IL12B: variants seen among roughly 807,000 people sequenced by gnomAD.
IL12B encodes the protein interleukin 12B.
A neutral mutation model predicts 39.2 loss-of-function variants in IL12B; 27 were observed. The observed-to-expected ratio is 0.69, with a 90% confidence interval of 0.51 to 0.95. The LOEUF (loss-of-function observed/expected upper bound fraction) is 0.95. Among genes scored for constraint, IL12B ranks in the 40% least tolerant of loss-of-function variants. IL12B has a pLI of 0.00. For missense variants in IL12B, 351 were observed against 397.6 expected (o/e 0.88, Z 1.00); for synonymous variants, 142 against 152.1 (o/e 0.93, Z 0.49).
At chr5:159,325,081 C>A (rs1180206981) in intron 2 of IL12B, among the ~76,000 whole-genome samples, 1 of 152,020 alleles carries the variant, frequency 6.6e-6, no homozygotes, top group African/African-American at 2.4e-5. Context: ...GCAGGGAAAA[C>A]AGCTGCAGGA....
At chr5:159,316,879 C>T in intron 6 of IL12B, 63 bp from the exon 7 acceptor site, 1 of 1,594,516 alleles carries the variant, frequency 6.3e-7, no homozygotes, top group East Asian at 2.2e-5. Flanking sequence ...TAAGCTGAGC[C>T]TGTTTCTGCA....
chr5:159,320,360 C>T lies in IL12B; in HGVS notation c.643G>A (p.Val215Ile), dbSNP rs79446920. 69 of 1,614,128 alleles carry T rather than the reference C, an allele frequency of 4.3e-5. No homozygotes were observed. Among genetic ancestry groups the T allele is most frequent in the Non-Finnish European group, 5.2e-5 (61 of 1,180,006 alleles). Residue 215 changes from valine (V) to isoleucine (I), a missense_variant, in exon 5 of 8, where the codon GTT becomes ATT. By Grantham distance (29) the Val-to-Ile change is conservative. Coordinates refer to ENST00000231228, the MANE Select transcript of IL12B (RefSeq NM_002187.3). ...SLPIEVMVDA[V>I]HKLKYENYTS... ...TAGTTTTCATACTTGAGCTTGTGAA[C>T]GGCATCCACCATGACCTCAATGGGC...
intron 6 of IL12B, among the ~76,000 whole-genome samples, chr5:159,317,170 C>A (rs530273402): frequency 6.6e-6 from 1 of 152,194 alleles, no homozygotes; most frequent in African/African-American, 2.4e-5. Flanking sequence ...TTGAGAAATA[C>A]CATATCCTGA....
At chr5:159,323,964 T>C (rs1354490563) in intron 2 of IL12B, among the ~76,000 whole-genome samples, 1 of 151,744 alleles carries the variant, frequency 6.6e-6, no homozygotes, top group Non-Finnish European at 1.5e-5. Context: ...AATTCGGTGT[T>C]AGTTATCGTT....
At chr5:159,316,950 G>T in intron 6 of IL12B, 134 bp from the exon 7 acceptor site, 2 of 961,600 alleles carry the variant, frequency 2.1e-6, no homozygotes, top group South Asian at 1.3e-5. Flanking sequence ...GCAATTCACA[G>T]GGGTGTGCAT....
At chr5:159,318,210 G>C (rs1754020012) in intron 6 of IL12B, 1 of 155,722 alleles carries the variant, frequency 6.4e-6, no homozygotes, top group African/African-American at 2.4e-5. Flanking sequence ...AAAAAAACAA[G>C]AATAACATCA....
At chr5:159,325,063 G>A (rs1400497905) in intron 2 of IL12B, among the ~76,000 whole-genome samples, 1 of 152,014 alleles carries the variant, frequency 6.6e-6, no homozygotes, top group African/African-American at 2.4e-5. Context: ...GAAGATGTTT[G>A]CTCAACAGCA....
Position 159,320,171 on chromosome 5 carries a change from T to C in IL12B, c.697+135A>G, listed in dbSNP as rs558789570. ...TAAAATGCAGATAACAGTATCTACA[T>C]CGTATTTTGTTTTTGGATGCAGAAT... On this transcript the variant is annotated intron_variant, in intron 5 of 7. Transcript: ENST00000231228. 9 of 763,364 alleles carry C rather than the reference T, an allele frequency of 1.2e-5. No homozygotes were observed. The South Asian group carries it at 1.3e-4, about 11-fold the overall frequency. The allele number at this position is 763,364 out of a possible 1,614,324, so 47.3% of individuals were successfully genotyped here. A position where few individuals can be genotyped will look rare whatever the true frequency, so the allele number is the denominator to read the frequency against.
rs1562110528 is a variant in IL12B at position 159,315,279 on chromosome 5, A to G, written c.*822T>C. The G allele has an allele frequency of 6.6e-6, 1 of 151,642 alleles. No individual in the cohort carries two copies. The highest frequency in any genetic ancestry group is 2.4e-5 in the African/African-American group (1 of 41,152). 9.4% of individuals were successfully genotyped at this position (151,642 alleles called of 1,614,324 possible). A position where few individuals can be genotyped will look rare whatever the true frequency, so the allele number is the denominator to read the frequency against. The stretch of plus-strand genomic sequence containing the variant: ...ACAATCACGGCTCACCATAGCCTTG[A>G]CCTCCTGGGCTCAAGAGATCCTCCT... On this transcript the variant is annotated 3_prime_UTR_variant, in exon 8 of 8. Coordinates refer to ENST00000231228, the MANE Select transcript of IL12B (RefSeq NM_002187.3).
intron 1 of IL12B, among the ~76,000 whole-genome samples, chr5:159,329,080 C>G (rs527267339): frequency 1.3e-5 from 2 of 152,240 alleles, no homozygotes; most frequent in South Asian, 4.2e-4. Context: ...ACAAAGGGAC[C>G]CCACGTTACA....
At position 159,318,753 on chromosome 5, in the gene IL12B, T is replaced by C; in HGVS notation, c.838A>G (p.Lys280Glu). The C allele has an allele frequency of 6.2e-7, 1 of 1,614,192 alleles. No individual in the cohort carries two copies. Among genetic ancestry groups the C allele is most frequent in the Non-Finnish European group, 8.5e-7 (1 of 1,180,014 alleles). ...SLTFCVQVQG[K>E]SKREKKDRVF... ...CTTCTTACCTTTTCTCTCTTGCTCT[T>C]GCCCTGGACCTGAACGCAGAATGTC... Residue 280 changes from lysine (K) to glutamate (E), a missense_variant, in exon 6 of 8, where the codon AAG becomes GAG. Transcript: ENST00000231228.
chr5:159,320,486 C>T lies in IL12B; in HGVS notation c.517G>A (p.Ala173Thr). 2 of 1,614,152 alleles carry T rather than the reference C, an allele frequency of 1.2e-6. No homozygotes were observed. The highest frequency in any genetic ancestry group is 2.2e-5 in the South Asian group (2 of 91,084). Residue 173 changes from alanine (A) to threonine (T), a missense_variant, in exon 5 of 8, where the codon GCT becomes ACT. By Grantham distance (58) the Ala-to-Thr change is moderately conservative (BLOSUM62 0). Coordinates refer to ENST00000231228, the MANE Select transcript of IL12B (RefSeq NM_002187.3). Reference protein sequence around the residue: ...SDPQGVTCGAATLSAERVRGD... With the variant: ...SDPQGVTCGATTLSAERVRGD... ...CTGACTCTCTCTGCAGAGAGTGTAG[C>T]AGCTCCGCACGTCACCCCTTGGGGG...
intron 1 of IL12B, among the ~76,000 whole-genome samples, chr5:159,328,095 T>TAGA (rs1754222489): frequency 6.6e-6 from 1 of 152,190 alleles, no homozygotes; most frequent in Admixed American, 6.5e-5. Flanking sequence ...TATTGACAAA[T>TAGA]TACAGCTTTG....
chr5:159,318,352 G>A (rs1363887542), intron 6 of IL12B, among the ~76,000 whole-genome samples: 1 of 152,182 alleles, frequency 6.6e-6, no homozygotes, highest in Non-Finnish European at 1.5e-5. Context: ...AGTCAAAGAA[G>A]GATCACATAT....
At chr5:159,321,072 C>A (rs946148456) in intron 4 of IL12B, among the ~76,000 whole-genome samples, 6 of 151,650 alleles carry the variant, frequency 4.0e-5, no homozygotes, top group Admixed American at 2.0e-4. Flanking sequence ...GAATCAGACC[C>A]CACTGTAGCC....
At chr5:159,320,588 G>A (rs1247502640) in intron 4 of IL12B, 68 bp from the exon 5 acceptor site, 1 of 1,219,736 alleles carries the variant, frequency 8.2e-7, no homozygotes, top group African/African-American at 1.5e-5. Flanking sequence ...ATTGTAGCCA[G>A]TAAGGCAGGT....
At chr5:159,319,043 G>A in intron 5 of IL12B, 150 bp from the exon 6 acceptor site, 2 of 733,920 alleles carry the variant, frequency 2.7e-6, no homozygotes, top group South Asian at 3.1e-5. Context: ...CAAATGTGAG[G>A]CACCTCTGCC....
At chr5:159,321,347 T>TTATATA (rs530647543) in intron 4 of IL12B, among the ~76,000 whole-genome samples, 1 of 146,406 alleles carries the variant, frequency 6.8e-6, no homozygotes, top group South Asian at 2.2e-4. Flanking sequence ...TATACACATT[T>TTATATA]TATATATATA....
At position 159,326,792 on chromosome 5, in the gene IL12B, G is replaced by A. The variant is rs1262815763; in HGVS notation, c.1-10C>T. 1.3e-6 allele frequency: 2 copies of A among 1,555,554 alleles called. No individual in the cohort carries two copies. The highest frequency in any genetic ancestry group is 2.2e-5 in the East Asian group (1 of 44,638). On this transcript the variant is annotated splice_polypyrimidine_tract_variant and intron_variant, in intron 1 of 7. Coordinates refer to ENST00000231228, the MANE Select transcript of IL12B (RefSeq NM_002187.3). Reference sequence around the variant, plus strand: ...ACTGCTGGTGACACATCTATAAGAAGGGAGAGAAGCAGGGGGAAGAGAAGG... The same window carrying A: ...ACTGCTGGTGACACATCTATAAGAAAGGAGAGAAGCAGGGGGAAGAGAAGG...
Sources: allele counts gnomAD v4.1 joint callset (sites outside exome capture counted in the v4.1 genomes callset), GRCh38; gene constraint gnomAD v4.1.1; transcripts MANE v1.5; gene names NCBI Gene and HGNC (gene_info 2026-07-23, HGNC 2026-07-21).